The following SYTL4 variants were observed in gnomAD, a reference collection of about 807,000 sequenced individuals.
The protein encoded by SYTL4 is synaptotagmin like 4.
Under a neutral mutation model 52.7 loss-of-function variants are expected in SYTL4, and 16 were observed. The ratio of observed to expected loss-of-function variants is 0.30; its 90% CI spans 0.21 to 0.46. SYTL4 has a LOEUF of 0.46. SYTL4 is among the 20% of genes least tolerant of loss of function. The pLI, the probability that SYTL4 is intolerant of heterozygous loss-of-function variation, is 1.00. For synonymous variants in SYTL4, 160 were observed against 186.6 expected (o/e 0.86, Z 1.16); for missense variants, 423 against 519.9 (o/e 0.81, Z 1.81).
At chrX:100,678,337 A>T in intron 19 of SYTL4, 54 bp downstream of exon 19, 1 of 930,846 alleles carries the variant, frequency 1.1e-6, no homozygotes, top group East Asian at 3.1e-5. Flanking sequence ...TGGTAATAGG[A>T]GTAAAATAGA....
At chrX:100,713,552 G>A (rs954145990) in intron 2 of SYTL4, among the ~76,000 whole-genome samples, 4 of 110,443 alleles carry the variant, frequency 3.6e-5, no homozygotes, top group African/African-American at 1.3e-4. Flanking sequence ...GGAGGTGGAG[G>A]TTGCAGTGAG....
chrX:100,688,972 T>C (rs1006382396), intron 12 of SYTL4, among the ~76,000 whole-genome samples: 6 of 111,573 alleles, frequency 5.4e-5, no homozygotes, highest in Non-Finnish European at 9.4e-5. Context: ...ATGTTTTTCA[T>C]AGAAGCTATA....
chrX:100,719,936 T>C (rs2084306963), intron 2 of SYTL4, among the ~76,000 whole-genome samples: 1 of 111,822 alleles, frequency 8.9e-6, no homozygotes. Flanking sequence ...TGCAGAATGG[T>C]TGTTTTGGAT....
At chrX:100,702,714 G>A (rs187075659) in intron 4 of SYTL4, among the ~76,000 whole-genome samples, 2 of 112,667 alleles carry the variant, frequency 1.8e-5, no homozygotes, top group Non-Finnish European at 3.7e-5. Flanking sequence ...TACGCTGACA[G>A]GCATTGTGTA....
chrX:100,698,674 C>T (rs905879245), intron 8 of SYTL4, among the ~76,000 whole-genome samples: 2 of 111,769 alleles, frequency 1.8e-5, no homozygotes, highest in Admixed American at 9.5e-5. Flanking sequence ...ACATTCTTAA[C>T]ATGTAAGAAT....
intron 8 of SYTL4, among the ~76,000 whole-genome samples, chrX:100,692,791 C>T (rs1303786041): frequency 1.8e-5 from 2 of 111,212 alleles, no homozygotes; most frequent in African/African-American, 6.5e-5. Context: ...TTCCTCCTCC[C>T]GTAGACCTCT....
chrX:100,723,044 CA>C (rs764914896), intron 2 of SYTL4, among the ~76,000 whole-genome samples: 987 of 96,045 alleles, frequency 0.01, 2 homozygotes, highest in Admixed American at 0.012. Context: ...TTTGAAACAG[CA>C]AAAAAAAAAA....
At chrX:100,689,992 A>C (rs377511878) in intron 11 of SYTL4, 33 bp from the exon 12 acceptor site, 203 of 1,150,565 alleles carry the variant, frequency 1.8e-4, no homozygotes, top group Non-Finnish European at 2.3e-4. Flanking sequence ...CAAATCAAAG[A>C]GACCTATTCT....
In SYTL4 at chrX:100,686,713, T is replaced by C. The variant is rs966579210; in HGVS notation, c.1253A>G (p.Asp418Gly). 8.3e-7 allele frequency: 1 copy of C among 1,210,504 alleles called. No homozygotes were observed. Residue 418 changes from aspartate to glycine, a missense_variant, in exon 15 of 20, where the codon GAC becomes GGC. Coordinates refer to ENST00000372989, the MANE Select transcript of SYTL4 (RefSeq NM_001370165.1). ...CTCATCATATAGTGGATTAATAGTG[T>C]CCCGCTTGATGCTGGTTTTTCTTTT... ...QGKRKTSIKRDTINPLYDETL... is the reference protein window; with the variant it reads ...QGKRKTSIKRGTINPLYDETL...
rs778494005 is a variant in SYTL4 at position 100,696,362 on chromosome X, AT to A, written c.539+4534del. 2.3e-3 allele frequency among the ~76,000 whole-genome samples: 254 copies of A among 111,975 alleles called. 1 individual carries two copies. The highest frequency in any genetic ancestry group is 7.6e-3 in the African/African-American group (235 of 30,861). On this transcript the variant is annotated intron_variant, in intron 8 of 19. Coordinates refer to ENST00000372989, the MANE Select transcript of SYTL4 (RefSeq NM_001370165.1). ...GCAAGGAGGAAATGTAGAAAAGAAA[AT>A]TTTTTTTAAATCCAGTTGTTTTACA...
chrX:100,726,726 T>C (rs1691257742), intron 2 of SYTL4, among the ~76,000 whole-genome samples: 1 of 110,975 alleles, frequency 9.0e-6, no homozygotes, highest in South Asian at 3.9e-4. Flanking sequence ...TGCCTTACTG[T>C]CTATAAGGAA....
At chrX:100,690,230 G>A in intron 10 of SYTL4, 65 bp from the exon 11 acceptor site, 1 of 829,781 alleles carries the variant, frequency 1.2e-6, no homozygotes, top group East Asian at 3.1e-5. Context: ...AGTGAGTAAG[G>A]AAGGACAGTC....
At chrX:100,683,536 C>T (rs1434116191) in intron 16 of SYTL4, among the ~76,000 whole-genome samples, 1 of 111,300 alleles carries the variant, frequency 9.0e-6, no homozygotes, top group Non-Finnish European at 1.9e-5. Context: ...ATACCCAGAA[C>T]ACACAGTTTA....
At chrX:100,683,563 C>A (rs1233489166) in intron 16 of SYTL4, among the ~76,000 whole-genome samples, 1 of 110,743 alleles carries the variant, frequency 9.0e-6, no homozygotes, top group Non-Finnish European at 1.9e-5. Context: ...GTGAGAGAGA[C>A]AAAAGAATCG....
At chrX:100,689,435 T>C (rs2147715622) in intron 12 of SYTL4, among the ~76,000 whole-genome samples, 1 of 105,774 alleles carries the variant, frequency 9.5e-6, no homozygotes, top group Admixed American at 1.0e-4. Flanking sequence ...GTCAGGAGTT[T>C]GCGACCAGCC....
chrX:100,727,360 C>A (rs1388890930), intron 2 of SYTL4, among the ~76,000 whole-genome samples: 1 of 112,461 alleles, frequency 8.9e-6, no homozygotes, highest in African/African-American at 3.2e-5. Flanking sequence ...AAAAGATGCT[C>A]AGCCACACTA....
rs1162775424 is a variant in SYTL4, at chrX:100,712,046, A to G, written c.-239-7160T>C. 1.8e-5 allele frequency among the ~76,000 whole-genome samples: 2 copies of G among 111,489 alleles called. 1 individual carries two copies. Among genetic ancestry groups the G allele is most frequent in the East Asian group, 5.6e-4 (2 of 3,594 alleles). On this transcript the variant is annotated intron_variant, in intron 2 of 19. Coordinates refer to ENST00000372989, the MANE Select transcript of SYTL4 (RefSeq NM_001370165.1). ...TAGATAGAATTCTACACCCAGCAAG[A>G]TATCATTCAAAAACAGAGGTGAAAT...
In SYTL4 at chrX:100,731,451, G is replaced by C. The variant is rs1178861767; in HGVS notation, c.-273C>G. 8.9e-6 allele frequency: 1 copy of C among 112,895 alleles called. No homozygotes were observed. Among genetic ancestry groups the C allele is most frequent in the Non-Finnish European group, 1.9e-5 (1 of 53,417 alleles). The allele number at this position is 112,895 out of a possible 1,213,427, so 9.3% of individuals were successfully genotyped here. On this transcript the variant is annotated 5_prime_UTR_variant, in exon 2 of 20. The change creates a new upstream start codon in the 5' untranslated region. Transcript: ENST00000372989. ...GACTGGCCAACGCCAGAGAAGCCGC[G>C]ATGTCGTAGGTCCGAAGAGAGTGCG... is the stretch of plus-strand genomic sequence containing the variant.
At chrX:100,727,209 C>T (rs1360653591) in intron 2 of SYTL4, among the ~76,000 whole-genome samples, 3 of 112,161 alleles carry the variant, frequency 2.7e-5, no homozygotes, top group Non-Finnish European at 5.6e-5. Flanking sequence ...AAAAAACTTG[C>T]ACTATATAAT....
Sources: allele counts gnomAD v4.1 joint callset (sites outside exome capture counted in the v4.1 genomes callset), GRCh38; gene constraint gnomAD v4.1.1; transcripts MANE v1.5; gene names NCBI Gene and HGNC (gene_info 2026-07-23, HGNC 2026-07-21).